Variants in PLXNB2 observed in about 807,000 individuals in gnomAD.
The protein encoded by PLXNB2 is plexin B2.
A neutral mutation model predicts 202.6 loss-of-function variants in PLXNB2; 85 were observed. The ratio of observed to expected loss-of-function variants is 0.42; its 90% confidence interval spans 0.35 to 0.50. The LOEUF (loss-of-function observed/expected upper bound fraction) is 0.50, where lower values mean the gene tolerates loss of function less well. PLXNB2 is among the 20% of genes least tolerant of loss of function. PLXNB2 has a pLI of 0.02. For synonymous variants in PLXNB2, 1,239 were observed against 1,137.6 expected, an observed-to-expected ratio of 1.09 and a Z score of -1.79; for missense variants, 2,063 against 2,586.2, an observed-to-expected ratio of 0.80 and a Z score of 4.39.
In PLXNB2 at chr22:50,291,301, G is replaced by T. The variant is rs1402019066; in HGVS notation, c.-13-704C>A. On this transcript the variant is annotated intron_variant, in intron 2 of 36. Coordinates refer to ENST00000359337, the MANE Select transcript of PLXNB2 (RefSeq NM_012401.4). This position sits in a 1 kb window ranked among gnomAD's most constrained non-coding sequence, Gnocchi z 4.3. ...GGGCACAGCCTCTGATGTGCGCACA[G>T]CGGAGGCAACAAGGGGACCTGGGGA... 6.6e-6 allele frequency among the ~76,000 whole-genome samples: 1 copy of T among 152,226 alleles called. No homozygotes were observed. Among genetic ancestry groups the T allele is most frequent in the African/African-American group, 2.4e-5 (1 of 41,466 alleles).
chr22:50,279,833 C>T (rs2065863727), intron 26 of PLXNB2, 57 bp from the exon 27 acceptor site: 12 of 1,591,794 alleles, frequency 7.5e-6, no homozygotes, highest in South Asian at 1.1e-5. Context: ...CTGGAAGGGG[C>T]CCCCGGAGCC....
intron 2 of PLXNB2, among the ~76,000 whole-genome samples, chr22:50,292,197 G>A (rs1205509625): frequency 6.6e-6 from 1 of 151,970 alleles, no homozygotes; most frequent in Non-Finnish European, 1.5e-5. Context: ...AATTAGCCAA[G>A]CGTGCTGGCA....
intron 1 of PLXNB2, among the ~76,000 whole-genome samples, chr22:50,302,584 G>A (rs913428064): frequency 2.6e-5 from 4 of 152,226 alleles, no homozygotes; most frequent in East Asian, 1.9e-4. Flanking sequence ...CCACCTTCAC[G>A]CCCTCCTCCC....
At chr22:50,305,128 G>A (rs1213187513) in intron 1 of PLXNB2, among the ~76,000 whole-genome samples, 1 of 152,260 alleles carries the variant, frequency 6.6e-6, no homozygotes, top group Non-Finnish European at 1.5e-5. Context: ...CCCAGCCAGT[G>A]CACCCCTGCC....
rs143935470 is a variant in PLXNB2, at chr22:50,281,835, G to C, written c.3345+19C>G. Reference sequence around the variant, plus strand: ...AGACCCGAGCAGGACCCAGACACCCGGGGCTGCACCGTCCTCACCCGGGCG... The same window carrying C: ...AGACCCGAGCAGGACCCAGACACCCCGGGCTGCACCGTCCTCACCCGGGCG... On this transcript the variant is annotated intron_variant, in intron 20 of 36. Coordinates refer to ENST00000359337, the MANE Select transcript of PLXNB2 (RefSeq NM_012401.4). 2 of 1,602,986 alleles carry C rather than the reference G, an allele frequency of 1.2e-6. No individual in the cohort carries two copies. Among genetic ancestry groups the C allele is most frequent in the Non-Finnish European group, 1.7e-6 (2 of 1,173,606 alleles).
chr22:50,287,047 C>A, intron 8 of PLXNB2, 64 bp downstream of exon 8: 4 of 1,404,564 alleles, frequency 2.8e-6, no homozygotes, highest in Non-Finnish European at 3.7e-6. Context: ...GAGGCGAGAG[C>A]CCGTGTGCAC....
rs376134467 is a variant in PLXNB2 at position 50,277,733 on chromosome 22, G to A, written c.5054C>T (p.Pro1685Leu). The A allele has an allele frequency of 9.1e-5, 146 of 1,595,838 alleles. 1 individual carries two copies. Among genetic ancestry groups the A allele is most frequent in the East Asian group, 1.3e-4 (6 of 44,530 alleles). ...TIHIWKTNSL[P>L]LRFWVNILKN... Reference sequence around the variant, plus strand: ...GAGGATGTTCACCCAGAACCGGAGCGGTAAGCTGAGGCAGAGCAGCAGGGA... The same window carrying A: ...GAGGATGTTCACCCAGAACCGGAGCAGTAAGCTGAGGCAGAGCAGCAGGGA... Residue 1685 changes from proline (P) to leucine (L), a missense_variant, in exon 33 of 37, where the codon CCG (proline) becomes CTG (leucine). Pro to Leu is a moderately conservative substitution (Grantham distance 98). Around this residue, in one of 2 missense-constraint regions of PLXNB2, gnomAD observed 760 missense variants for 1,109.4 expected, o/e 0.69. Transcript: ENST00000359337.
Position 50,289,281 on chromosome 22 carries a change from A to G in PLXNB2, c.1069-139T>C, listed in dbSNP as rs116230805. The G allele has an allele frequency of 2.3e-3, 2,119 of 935,116 alleles. 41 individuals carry two copies. In the African/African-American group the frequency reaches 0.03, roughly 13 times the overall value. The allele number at this position is 935,116 out of a possible 1,614,324, so 57.9% of individuals were successfully genotyped here. ...ACACGTCCCCGAGAACAGAACCCAC[A>G]TGGCAGGGAGCCCCACCGTGCTCAC... On this transcript the variant is annotated intron_variant, in intron 3 of 36. Coordinates refer to ENST00000359337, the MANE Select transcript of PLXNB2 (RefSeq NM_012401.4). This position sits in a 1 kb window ranked among gnomAD's most constrained non-coding sequence, Gnocchi z 8.0.
chr22:50,303,870 G>A (rs2067794144), intron 1 of PLXNB2, among the ~76,000 whole-genome samples: 1 of 152,200 alleles, frequency 6.6e-6, no homozygotes, highest in African/African-American at 2.4e-5. Flanking sequence ...GGACTCAGCT[G>A]GCACTGGAAT....
rs746916579 is a variant in PLXNB2, at chr22:50,279,002, C to T, written c.4399G>A (p.Val1467Met). 10 of 1,607,182 alleles carry T rather than the reference C, an allele frequency of 6.2e-6. No individual in the cohort carries two copies. In the Admixed American group the frequency reaches 8.4e-5, roughly 13 times the overall value. Reference sequence around the variant, plus strand: ...TCCACTCCCTCGTCCTGCACGATCACGCTCACCGTCTGCCGAGACATCCGG... The same window carrying T: ...TCCACTCCCTCGTCCTGCACGATCATGCTCACCGTCTGCCGAGACATCCGG... ...DVEYAPLTVSVIVQDEGVDAI... is the reference protein window; with the variant it reads ...DVEYAPLTVSMIVQDEGVDAI... Residue 1467 changes from valine (V) to methionine (M), a missense_variant, in exon 28 of 37, where the codon GTG (valine) becomes ATG (methionine). Physicochemically the swap from Val to Met is conservative, Grantham distance 21 (BLOSUM62 1). This residue lies in a region of PLXNB2 where 760 missense variants were observed against 1,109.4 expected (regional missense o/e 0.69). Transcript: ENST00000359337.
chr22:50,291,279 C>T lies in PLXNB2; in HGVS notation c.-13-682G>A, dbSNP rs1354642296. ...CGCTCGGCCCATGTCACGCCCAGGG[C>T]ACAGCCTCTGATGTGCGCACAGCGG... On this transcript the variant is annotated intron_variant, in intron 2 of 36. Coordinates refer to ENST00000359337, the MANE Select transcript of PLXNB2 (RefSeq NM_012401.4). This position sits in a 1 kb window ranked among gnomAD's most constrained non-coding sequence, Gnocchi z 4.3. Among the ~76,000 whole-genome samples the T allele has an allele frequency of 6.6e-6, 1 of 152,218 alleles. No individual in the cohort carries two copies. Among genetic ancestry groups the T allele is most frequent in the African/African-American group, 2.4e-5 (1 of 41,458 alleles).
Position 50,277,752 on chromosome 22 carries a change from G to A in PLXNB2, c.5049-14C>T, listed in dbSNP as rs776773061. The A allele has an allele frequency of 1.9e-6, 3 of 1,593,798 alleles. No individual in the cohort carries two copies. The highest frequency in any genetic ancestry group is 2.6e-6 in the Non-Finnish European group (3 of 1,166,386). ...CGGAGCGGTAAGCTGAGGCAGAGCA[G>A]CAGGGAATGAGAGCCGGGGCTGGGC... On this transcript the variant is annotated splice_polypyrimidine_tract_variant and intron_variant, in intron 32 of 36. Transcript: ENST00000359337.
chr22:50,296,649 C>T (rs2067300008), intron 1 of PLXNB2, among the ~76,000 whole-genome samples: 1 of 151,522 alleles, frequency 6.6e-6, no homozygotes, highest in African/African-American at 2.4e-5. Context: ...AAGGTAGGCT[C>T]CACTCTGCCT....
chr22:50,280,482 T>A lies in PLXNB2; in HGVS notation c.4175+7A>T. 6.3e-7 allele frequency: 1 copy of A among 1,597,738 alleles called. No homozygotes were observed. Among genetic ancestry groups the A allele is most frequent in the African/African-American group, 1.3e-5 (1 of 74,762 alleles). ...GTGGCCCCGCTCGTGGCCCCGCCCATGTGCACCTGCGCAGCATCAGCTTGG... is the reference window on the plus strand; with the variant it reads ...GTGGCCCCGCTCGTGGCCCCGCCCAAGTGCACCTGCGCAGCATCAGCTTGG... On this transcript the variant is annotated splice_region_variant and intron_variant, in intron 25 of 36. Transcript: ENST00000359337.
At chr22:50,283,773 G>A (rs1415678571) in intron 14 of PLXNB2, 23 bp from the exon 15 acceptor site, 5 of 1,612,984 alleles carry the variant, frequency 3.1e-6, no homozygotes, top group African/African-American at 2.7e-5. Context: ...AGCCGGGTGA[G>A]CAGGGAGGGG....
chr22:50,285,943 G>A (rs772598839), intron 10 of PLXNB2, 42 bp from the exon 11 acceptor site: 4 of 1,605,630 alleles, frequency 2.5e-6, no homozygotes, highest in East Asian at 4.5e-5. Context: ...GGGCACAGCG[G>A]AGCAGCCATG....
Position 50,288,970 on chromosome 22 carries a change from C to T in PLXNB2, c.1241G>A (p.Arg414Gln), listed in dbSNP as rs145844372. Residue 414 changes from arginine (R) to glutamine (Q), a missense_variant, in exon 4 of 37, where the codon CGG (arginine) becomes CAG (glutamine). Physicochemically the swap from Arg to Gln is conservative, Grantham distance 43. Around this residue, in one of 2 missense-constraint regions of PLXNB2, gnomAD observed 1,303 missense variants for 1,476.8 expected, o/e 0.88. Transcript: ENST00000359337. The surrounding 1 kb of genome is among the most constrained non-coding windows in gnomAD (Gnocchi z 5.0). ...TVAFLGTSDG[R>Q]ILKVYLTPDG... is the part of the protein sequence containing the mutation. ...CAGCCTGGGCCAAACCTTGAGGATC[C>T]GGCCATCAGAGGTGCCCAGAAAAGC... The T allele has an allele frequency of 1.5e-5, 24 of 1,607,808 alleles. No individual in the cohort carries two copies. In the East Asian group the frequency reaches 3.6e-4, roughly 24 times the overall value.
At chr22:50,280,467 T>TCGTGGCCCCGCC (rs773317896) in intron 25 of PLXNB2, 22 bp downstream of exon 25, 1 of 1,581,188 alleles carries the variant, frequency 6.3e-7, no homozygotes, top group East Asian at 2.3e-5. Context: ...GTGGCCCCGC[T>TCGTGGCCCCGCC]CGTGGCCCCG....
Position 50,283,995 on chromosome 22 carries a change from G to T in PLXNB2, c.2264-5C>A. The stretch of plus-strand genomic sequence containing the variant: ...AGGAGCAGTTGTAGAGGGTCACTGC[G>T]GGGAGAGCTGCCGTCAGTGGTCACC... On this transcript the variant is annotated splice_polypyrimidine_tract_variant and splice_region_variant and intron_variant, in intron 13 of 36. Coordinates refer to ENST00000359337, the MANE Select transcript of PLXNB2 (RefSeq NM_012401.4). 1 of 1,536,712 alleles carries T rather than the reference G, an allele frequency of 6.5e-7. No homozygotes were observed. Among genetic ancestry groups the T allele is most frequent in the Non-Finnish European group, 8.7e-7 (1 of 1,145,294 alleles).
Sources: allele counts gnomAD v4.1 joint callset (sites outside exome capture counted in the v4.1 genomes callset), GRCh38; gene constraint gnomAD v4.1.1; regional missense constraint gnomAD v4.1.1; non-coding constraint Gnocchi (gnomAD v3.1); transcripts MANE v1.5; gene names NCBI Gene and HGNC (gene_info 2026-07-23, HGNC 2026-07-21).